The following ZNF516 variants were observed in gnomAD, a reference collection of about 807,000 sequenced individuals.
The protein encoded by ZNF516 is zinc finger protein 516.
A neutral mutation model predicts 79.7 loss-of-function variants in ZNF516; 19 were observed. The ratio of observed to expected loss-of-function variants is 0.24; its 90% CI spans 0.17 to 0.35. The LOEUF is 0.35. ZNF516 is among the 10% of genes least tolerant of loss of function. The probability of loss-of-function intolerance (pLI) is 1.00; values close to 1 mark genes in which losing one functional copy is unlikely to be tolerated. For missense variants in ZNF516, 1,678 were observed against 1,679.5 expected, an observed-to-expected ratio of 1.00 and a Z score of 0.02; for synonymous variants, 877 against 739.5, an observed-to-expected ratio of 1.19 and a Z score of -3.02.
intron 3 of ZNF516, among the ~76,000 whole-genome samples, chr18:76,426,339 TA>T: frequency 6.6e-6 from 1 of 152,220 alleles, no homozygotes. Flanking sequence ...CAACAGGCTT[TA>T]ATCAGCCAAC....
chr18:76,435,975 T>C (rs572254394), intron 3 of ZNF516, among the ~76,000 whole-genome samples: 1 of 152,360 alleles, frequency 6.6e-6, no homozygotes, highest in Admixed American at 6.5e-5. Flanking sequence ...ACAGTAGCTC[T>C]CACTTTTTGG....
chr18:76,421,192 TA>T (rs1367814357), intron 3 of ZNF516, among the ~76,000 whole-genome samples: 2 of 152,172 alleles, frequency 1.3e-5, no homozygotes, highest in Admixed American at 1.3e-4. Flanking sequence ...GAATTACACT[TA>T]GGAAGTCATT....
intron 3 of ZNF516, among the ~76,000 whole-genome samples, chr18:76,409,605 C>G (rs1051043085): frequency 1.3e-5 from 2 of 152,216 alleles, no homozygotes; most frequent in African/African-American, 4.8e-5. Flanking sequence ...AGTATACCAA[C>G]TATTACACCA....
intron 3 of ZNF516, among the ~76,000 whole-genome samples, chr18:76,401,378 T>C (rs934346346): frequency 2.0e-5 from 3 of 152,188 alleles, no homozygotes; most frequent in African/African-American, 7.2e-5. Context: ...TATTTCTATT[T>C]TGAGAAGGAG....
intron 3 of ZNF516, among the ~76,000 whole-genome samples, chr18:76,399,461 T>C (rs1054507940): frequency 1.3e-5 from 2 of 152,234 alleles, no homozygotes; most frequent in Non-Finnish European, 2.9e-5. Flanking sequence ...ATTATATATA[T>C]AGTCAGCATA....
intron 3 of ZNF516, among the ~76,000 whole-genome samples, chr18:76,432,180 G>A (rs2075669372): frequency 6.6e-6 from 1 of 152,250 alleles, no homozygotes; most frequent in Non-Finnish European, 1.5e-5. Context: ...CAAGCAATGG[G>A]ATGGCCAGTC....
intron 3 of ZNF516, among the ~76,000 whole-genome samples, chr18:76,411,530 G>A (rs2145304333): frequency 6.6e-6 from 1 of 152,334 alleles, no homozygotes; most frequent in South Asian, 2.1e-4. Context: ...TCAGAGGAGA[G>A]CAGCAAAGGT....
intron 3 of ZNF516, among the ~76,000 whole-genome samples, chr18:76,410,471 TGCCTCGAACAGGTCCCGAAGCTCGC>T (rs1427513388): frequency 2.0e-5 from 3 of 152,298 alleles, no homozygotes; most frequent in African/African-American, 7.2e-5. Context: ...GAGGAGGCCT[TGCCTCGAACAGGTCCCGAAGCTCGC>T]GCAGTGGTTC....
At chr18:76,474,009 A>C (rs1914035040) in intron 1 of ZNF516, among the ~76,000 whole-genome samples, 1 of 151,612 alleles carries the variant, frequency 6.6e-6, no homozygotes, top group Non-Finnish European at 1.5e-5. Context: ...GCCTCCCAAG[A>C]AGTGGGATTA....
intron 1 of ZNF516, among the ~76,000 whole-genome samples, chr18:76,483,497 ATCTG>A (rs1914649944): frequency 6.6e-6 from 1 of 152,120 alleles, no homozygotes. Flanking sequence ...CGTCATCGGC[ATCTG>A]TCTGTCACGG....
At chr18:76,399,764 G>A (rs180959241) in intron 3 of ZNF516, among the ~76,000 whole-genome samples, 223 of 152,262 alleles carry the variant, frequency 1.5e-3, no homozygotes, top group Non-Finnish European at 2.5e-3. Context: ...CTCATCCCTT[G>A]AACATAGCTC....
intron 1 of ZNF516, among the ~76,000 whole-genome samples, chr18:76,482,705 G>T (rs1475859878): frequency 6.6e-6 from 1 of 152,184 alleles, no homozygotes; most frequent in Non-Finnish European, 1.5e-5. Context: ...TGTATCAAAC[G>T]TGTGACCTTA....
At position 76,467,205 on chromosome 18, in the gene ZNF516, C is replaced by G. The variant is rs1478227565; in HGVS notation, c.-271-4064G>C. ...TGCGTGTCTCTCGGAACCTGCAGCT[C>G]ACAGCCCCTCTGGGCTGGCAGGAAG... On this transcript the variant is annotated intron_variant, in intron 1 of 6. Coordinates refer to ENST00000443185, the MANE Select transcript of ZNF516 (RefSeq NM_014643.4). This position sits in a 1 kb window ranked among gnomAD's most constrained non-coding sequence, Gnocchi z 4.2. Among the ~76,000 whole-genome samples the G allele has an allele frequency of 1.3e-4, 5 of 38,754 alleles. No individual in the cohort carries two copies. The highest frequency in any genetic ancestry group is 4.3e-4 in the African/African-American group (5 of 11,548). 25.4% of individuals were successfully genotyped at this position (38,754 alleles called of 152,430 possible).
intron 3 of ZNF516, among the ~76,000 whole-genome samples, chr18:76,426,744 A>T (rs1414183267): frequency 6.6e-6 from 1 of 152,226 alleles, no homozygotes; most frequent in Non-Finnish European, 1.5e-5. Context: ...ATCTATGTGC[A>T]GCATCATTAG....
chr18:76,480,280 T>C (rs533651135), intron 1 of ZNF516, among the ~76,000 whole-genome samples: 1 of 152,214 alleles, frequency 6.6e-6, no homozygotes, highest in Admixed American at 6.5e-5. Flanking sequence ...TTAACATTAA[T>C]TTTACGTGTT....
chr18:76,376,465 G>A (rs2074787694), intron 4 of ZNF516, among the ~76,000 whole-genome samples: 1 of 149,564 alleles, frequency 6.7e-6, no homozygotes, highest in Non-Finnish European at 1.5e-5. Context: ...AATAACCCAA[G>A]ATGAGTGCAT....
intron 1 of ZNF516, among the ~76,000 whole-genome samples, chr18:76,494,314 C>CCA (rs1345863543): frequency 6.7e-6 from 1 of 148,336 alleles, no homozygotes; most frequent in Non-Finnish European, 1.5e-5. Flanking sequence ...TCCCGCCCAA[C>CCA]CACACACACC....
At chr18:76,461,097 G>C (rs985966974) in intron 2 of ZNF516, among the ~76,000 whole-genome samples, 1 of 152,180 alleles carries the variant, frequency 6.6e-6, no homozygotes, top group Non-Finnish European at 1.5e-5. Flanking sequence ...CAGGACAATC[G>C]CTTGAACCCG....
At chr18:76,422,819 A>G (rs1599062893) in intron 3 of ZNF516, among the ~76,000 whole-genome samples, 1 of 152,190 alleles carries the variant, frequency 6.6e-6, no homozygotes, top group South Asian at 2.1e-4. Flanking sequence ...GAAATCTCCA[A>G]TCGTAAACAA....
Sources: allele counts gnomAD v4.1 joint callset (sites outside exome capture counted in the v4.1 genomes callset), GRCh38; gene constraint gnomAD v4.1.1; non-coding constraint Gnocchi (gnomAD v3.1); transcripts MANE v1.5; gene names NCBI Gene and HGNC (gene_info 2026-07-23, HGNC 2026-07-21).